The following FBXO11 variants were observed in gnomAD, a reference collection of about 807,000 sequenced individuals.
The protein encoded by FBXO11 is F-box protein 11.
Under a neutral mutation model 117.0 loss-of-function variants are expected in FBXO11, and 13 were observed. The ratio of observed to expected loss-of-function variants is 0.11; its 90% confidence interval spans 0.07 to 0.18. The LOEUF (loss-of-function observed/expected upper bound fraction) is 0.18, where lower values mean the gene tolerates loss of function less well. Among genes scored for constraint, FBXO11 ranks in the 10% least tolerant of loss-of-function variants. FBXO11 has a pLI of 1.00. For synonymous variants in FBXO11, 490 were observed against 380.5 expected, an observed-to-expected ratio of 1.29 and a Z score of -3.35; for missense variants, 767 against 1,164.4, an observed-to-expected ratio of 0.66 and a Z score of 4.97.
At chr2:47,905,001 G>C (rs948061699) in intron 1 of FBXO11, 2 of 152,078 alleles carry the variant, frequency 1.3e-5, no homozygotes, top group African/African-American at 4.8e-5. Flanking sequence ...CTCCTCCTCA[G>C]GAAGGGGTAG....
At position 47,835,865 on chromosome 2, in the gene FBXO11, T is replaced by G. The variant is rs1276929774; in HGVS notation, c.717+7A>C. ...ATAAACCAATATATTCTATTTATAT[T>G]TCATACCAACTGCTGGAAACTCTCT... On this transcript the variant is annotated splice_region_variant and intron_variant, in intron 5 of 22. Coordinates refer to ENST00000403359, the MANE Select transcript of FBXO11 (RefSeq NM_001190274.2). The G allele has an allele frequency of 6.3e-7, 1 of 1,590,280 alleles. No homozygotes were observed. The highest frequency in any genetic ancestry group is 8.6e-7 in the Non-Finnish European group (1 of 1,165,934).
In FBXO11 at chr2:47,905,993, C is replaced by G. The variant is rs2104145956; in HGVS notation, c.-273G>C. On this transcript the variant is annotated 5_prime_UTR_variant, in exon 1 of 23. Transcript: ENST00000403359. The stretch of plus-strand genomic sequence containing the variant: ...CGCCGGGCGGGGCGGCCGCGAGGGA[C>G]GAAGGCAGAAAGACGGGCAGACCGA... 1 of 388,860 alleles carries G rather than the reference C, an allele frequency of 2.6e-6. No individual in the cohort carries two copies. Among genetic ancestry groups the G allele is most frequent in the African/African-American group, 2.1e-5 (1 of 47,184 alleles). The allele number at this position is 388,860 out of a possible 1,614,324, so 24.1% of individuals were successfully genotyped here.
intron 1 of FBXO11, among the ~76,000 whole-genome samples, chr2:47,901,737 G>A (rs1678316582): frequency 6.6e-6 from 1 of 152,078 alleles, no homozygotes; most frequent in African/African-American, 2.4e-5. Context: ...CTGTAGACTT[G>A]TAAGCTTTCC....
intron 1 of FBXO11, among the ~76,000 whole-genome samples, chr2:47,884,810 T>C (rs965418044): frequency 3.0e-4 from 46 of 151,910 alleles, no homozygotes; most frequent in Non-Finnish European, 3.2e-4. Context: ...AAAACACGGA[T>C]TCTAATCCTA....
chr2:47,848,813 CTATT>C (rs1335451907), intron 1 of FBXO11, among the ~76,000 whole-genome samples: 2 of 152,084 alleles, frequency 1.3e-5, no homozygotes, highest in Non-Finnish European at 2.9e-5. Context: ...TGTCTTGACT[CTATT>C]TATTCTGAGC....
chr2:47,894,793 A>G (rs973973219), intron 1 of FBXO11, among the ~76,000 whole-genome samples: 2 of 152,212 alleles, frequency 1.3e-5, no homozygotes, highest in African/African-American at 4.8e-5. Flanking sequence ...GCACAAAAAC[A>G]ATGTTTATGA....
chr2:47,832,341 G>GTTCT lies in FBXO11; in HGVS notation c.1398+4_1398+7dup. ...GTCCGTTTTTCTATTAAAAATAAGT[G>GTTCT]TTCTTACCATGCCATGATCAAATGT... On this transcript the variant is annotated splice_region_variant and intron_variant, in intron 11 of 22. Coordinates refer to ENST00000403359, the MANE Select transcript of FBXO11 (RefSeq NM_001190274.2). 1 of 1,589,056 alleles carries GTTCT rather than the reference G, an allele frequency of 6.3e-7. No homozygotes were observed. The highest frequency in any genetic ancestry group is 8.6e-7 in the Non-Finnish European group (1 of 1,168,792).
chr2:47,881,649 T>C (rs1676440337), intron 1 of FBXO11, among the ~76,000 whole-genome samples: 1 of 152,222 alleles, frequency 6.6e-6, no homozygotes, highest in South Asian at 2.1e-4. Flanking sequence ...GTTATTACCA[T>C]AGGGCAATTC....
chr2:47,863,756 C>A (rs1251794326), intron 1 of FBXO11, among the ~76,000 whole-genome samples: 1 of 152,114 alleles, frequency 6.6e-6, no homozygotes, highest in Non-Finnish European at 1.5e-5. Flanking sequence ...GCCTGGCTAA[C>A]AGGGTGGAAC....
chr2:47,889,633 GTT>G (rs35254589), intron 1 of FBXO11, among the ~76,000 whole-genome samples: 13,748 of 148,346 alleles, frequency 0.093, 692 homozygotes, highest in Non-Finnish European at 0.11. Flanking sequence ...AAGTGAGAGG[GTT>G]TTTTTTTTTT....
intron 1 of FBXO11, among the ~76,000 whole-genome samples, chr2:47,877,593 T>C (rs1212125251): frequency 6.6e-6 from 1 of 152,170 alleles, no homozygotes; most frequent in African/African-American, 2.4e-5. Context: ...GCATGGTGTG[T>C]GTGTATCTTT....
chr2:47,843,827 G>C (rs899242513), intron 1 of FBXO11, among the ~76,000 whole-genome samples: 2 of 152,112 alleles, frequency 1.3e-5, no homozygotes, highest in East Asian at 3.9e-4. Context: ...TGCAACCTCT[G>C]CCTCCTGGGT....
At chr2:47,836,382 T>C (rs1384720949) in intron 4 of FBXO11, among the ~76,000 whole-genome samples, 3 of 152,210 alleles carry the variant, frequency 2.0e-5, no homozygotes, top group Admixed American at 2.0e-4. Context: ...TCCTTTTTTT[T>C]CTTTGAGACA....
chr2:47,835,119 G>A (rs1196082332), intron 5 of FBXO11, among the ~76,000 whole-genome samples: 1 of 152,100 alleles, frequency 6.6e-6, no homozygotes, highest in Non-Finnish European at 1.5e-5. Flanking sequence ...TCTTTGTTAT[G>A]GGGGCTGTCC....
At chr2:47,821,534 T>C (rs999095174) in intron 13 of FBXO11, among the ~76,000 whole-genome samples, 20 of 149,988 alleles carry the variant, frequency 1.3e-4, no homozygotes, top group Non-Finnish European at 4.4e-5. Context: ...GGCGTGAACC[T>C]GGGAGGTGGA....
At chr2:47,851,152 C>G (rs1673826407) in intron 1 of FBXO11, among the ~76,000 whole-genome samples, 1 of 142,588 alleles carries the variant, frequency 7.0e-6, no homozygotes, top group African/African-American at 2.6e-5. Context: ...GACCATAGCC[C>G]CAAATTAAGT....
chr2:47,813,024 G>T (rs1309288278), intron 18 of FBXO11: 3 of 569,198 alleles, frequency 5.3e-6, no homozygotes, highest in Non-Finnish European at 9.4e-6. Flanking sequence ...ACTGACAACT[G>T]CAGACTCAAA....
intron 1 of FBXO11, among the ~76,000 whole-genome samples, chr2:47,887,884 G>GACAC (rs1192416903): frequency 1.3e-5 from 2 of 152,000 alleles, no homozygotes; most frequent in African/African-American, 4.8e-5. Flanking sequence ...GGCTTGGAGG[G>GACAC]ACACACCTGT....
rs377222934 is a variant in FBXO11 at position 47,832,636 on chromosome 2, G to C, written c.1196C>G (p.Thr399Ser). 1.2e-6 allele frequency: 2 copies of C among 1,613,916 alleles called. No homozygotes were observed. The highest frequency in any genetic ancestry group is 3.3e-5 in the Admixed American group (2 of 60,020). Residue 399 changes from threonine (T) to serine (S), a missense_variant, in exon 10 of 23, where the codon ACC becomes AGC. By Grantham distance (58) the Thr-to-Ser change is moderately conservative (BLOSUM62 1). Transcript: ENST00000403359. Reference protein sequence around the residue: ...VCVSGQGACPTIKHCNISDCE... With the variant: ...VCVSGQGACPSIKHCNISDCE... ...GTCACTGATGTTACAGTGCTTGATG[G>C]TGGGACATGCTCCTTGACCACTAAC... is the stretch of plus-strand genomic sequence containing the variant.
Sources: allele counts gnomAD v4.1 joint callset (sites outside exome capture counted in the v4.1 genomes callset), GRCh38; gene constraint gnomAD v4.1.1; transcripts MANE v1.5; gene names NCBI Gene and HGNC (gene_info 2026-07-23, HGNC 2026-07-21).